PHF21B: variants seen among roughly 807,000 people sequenced by gnomAD.
PHF21B encodes the protein PHD finger protein 4.
PHF21B carries 22 observed loss-of-function variants against 62.2 expected under a neutral mutation model. That is an observed-to-expected ratio of 0.35 (90% CI 0.25 to 0.51). The LOEUF (loss-of-function observed/expected upper bound fraction) is 0.51, where lower values mean the gene tolerates loss of function less well. Among genes scored for constraint, PHF21B ranks in the 20% least tolerant of loss-of-function variants. The pLI is 0.97. For synonymous variants in PHF21B, 341 were observed against 314.7 expected (o/e 1.08, Z -0.88); for missense variants, 701 against 707.9 (o/e 0.99, Z 0.11).
rs369617754 is a variant in PHF21B at position 44,903,855 on chromosome 22, A to T, written c.832-7772T>A. ...TGTTGTTTATTTAGGTATGCCTCTGACAAACAGCACACAACTGGATTGTGT... is the reference window on the plus strand; with the variant it reads ...TGTTGTTTATTTAGGTATGCCTCTGTCAAACAGCACACAACTGGATTGTGT... On this transcript the variant is annotated intron_variant, in intron 5 of 12. Coordinates refer to ENST00000313237, the MANE Select transcript of PHF21B (RefSeq NM_138415.5). 3.5e-4 allele frequency among the ~76,000 whole-genome samples: 54 copies of T among 152,336 alleles called. 1 individual carries two copies. The East Asian group carries it at 9.8e-3, about 28-fold the overall frequency.
At chr22:44,960,282 T>A (rs2147414972) in intron 2 of PHF21B, among the ~76,000 whole-genome samples, 1 of 152,324 alleles carries the variant, frequency 6.6e-6, no homozygotes, top group South Asian at 2.1e-4. Flanking sequence ...CCTCCACAGC[T>A]ACCTGAGTTC....
At position 44,913,877 on chromosome 22, in the gene PHF21B, G is replaced by A; in HGVS notation, c.776C>T (p.Ala259Val). The change falls in exon 5 of 13, where the codon GCT (alanine) becomes GTT (valine). Residue 259 changes from alanine (A) to valine (V), a missense_variant. Ala to Val is a moderately conservative substitution (Grantham distance 64). Transcript: ENST00000313237. ...TTCCTTCTTCTTTTTGGTGGCCTGAGCTCCCTGAGATGGCTCCTCTGTGGG... is the reference window on the plus strand; with the variant it reads ...TTCCTTCTTCTTTTTGGTGGCCTGAACTCCCTGAGATGGCTCCTCTGTGGG... ...RPPTEEPSQGAQATKKKKEDR... is the reference protein window; with the variant it reads ...RPPTEEPSQGVQATKKKKEDR... The A allele has an allele frequency of 1.2e-6, 2 of 1,614,050 alleles. No individual in the cohort carries two copies. Among genetic ancestry groups the A allele is most frequent in the Non-Finnish European group, 8.5e-7 (1 of 1,180,022 alleles).
rs1196685323 is a variant in PHF21B at position 45,009,979 on chromosome 22, G to A, written c.-430C>T. On this transcript the variant is annotated 5_prime_UTR_variant, in exon 1 of 13. Coordinates refer to ENST00000313237, the MANE Select transcript of PHF21B (RefSeq NM_138415.5). This position sits in a 1 kb window ranked among gnomAD's most constrained non-coding sequence, Gnocchi z 5.9. The stretch of plus-strand genomic sequence containing the variant: ...TCTCGTTGGGCCTCGGCAAAGTTGT[G>A]CCTCGGCACGATGCTAATTCGGCAG... The A allele has an allele frequency of 3.4e-5, 5 of 146,254 alleles. No individual in the cohort carries two copies. Among genetic ancestry groups the A allele is most frequent in the Non-Finnish European group, 7.6e-5 (5 of 65,594 alleles). The allele number at this position is 146,254 out of a possible 1,614,324, so 9.1% of individuals were successfully genotyped here.
chr22:44,920,707 A>G (rs2071520213), intron 2 of PHF21B, among the ~76,000 whole-genome samples: 1 of 152,260 alleles, frequency 6.6e-6, no homozygotes, highest in Non-Finnish European at 1.5e-5. Context: ...CTGCCCAGAA[A>G]TCAATTACCC....
chr22:44,883,113 G>A lies in PHF21B; in HGVS notation c.1569C>T (p.Thr523=), dbSNP rs537376725. 7.3e-4 allele frequency: 1,171 copies of A among 1,612,078 alleles called. 12 individuals are homozygous for A. The South Asian group carries it at 0.011, about 15-fold the overall frequency. Reference sequence around the variant, plus strand: ...AGTTGTGGCCCTGGGGGTGCTGGACGGTGGGGTGTGTGGCTGCCACTGAGG... The same window carrying A: ...AGTTGTGGCCCTGGGGGTGCTGGACAGTGGGGTGTGTGGCTGCCACTGAGG... The part of the protein sequence containing the change: ...TKPSVAATHP[T]VQHPQGHN Residue 523 remains threonine, a synonymous_variant, in exon 13 of 13, where the codon ACC becomes ACT. Transcript: ENST00000313237.
chr22:44,969,714 G>A (rs1347103174), intron 2 of PHF21B, among the ~76,000 whole-genome samples: 2 of 152,168 alleles, frequency 1.3e-5, no homozygotes, highest in Non-Finnish European at 2.9e-5. Context: ...GAGGATTGCA[G>A]ATGAGGTGCG....
chr22:44,935,474 C>T (rs1041122448), intron 2 of PHF21B, among the ~76,000 whole-genome samples: 4 of 152,078 alleles, frequency 2.6e-5, no homozygotes, highest in Non-Finnish European at 4.4e-5. Context: ...ATTAGCCGGG[C>T]GTGGTGGCGG....
intron 9 of PHF21B, 69 bp from the exon 10 acceptor site, chr22:44,888,190 C>T: frequency 7.2e-7 from 1 of 1,395,890 alleles, no homozygotes; most frequent in South Asian, 1.5e-5. Flanking sequence ...TCAGCCAGGG[C>T]CAGGCCCAGG....
At chr22:45,003,050 C>T (rs2073249037) in intron 2 of PHF21B, 1 of 152,240 alleles carries the variant, frequency 6.6e-6, no homozygotes, top group African/African-American at 2.4e-5. Flanking sequence ...AGCCCTTTTC[C>T]AGAAGTTCCT....
chr22:44,883,164 TG>T lies in PHF21B; in HGVS notation c.1517del (p.Pro506HisfsTer53). 1 of 1,613,072 alleles carries T rather than the reference TG, an allele frequency of 6.2e-7. No homozygotes were observed. On this transcript the variant is annotated frameshift_variant, in exon 13 of 13. Transcript: ENST00000313237. LOFTEE classifies it high-confidence loss of function. ...QVTMTTTSPA[P>X]LLAGPWTKPS... ...GCTTGGTCCAGGGCCCGGCCAGCAG[TG>T]GGGCAGGGCTAGTGGTCGTCATGGT... is the stretch of plus-strand genomic sequence containing the variant.
chr22:44,976,448 T>G (rs1034597449), intron 2 of PHF21B, among the ~76,000 whole-genome samples: 4 of 152,222 alleles, frequency 2.6e-5, no homozygotes, highest in African/African-American at 9.6e-5. Flanking sequence ...TTGTACCCAT[T>G]GACCAATCTT....
chr22:44,935,181 AG>A (rs1356552992), intron 2 of PHF21B, among the ~76,000 whole-genome samples: 1 of 152,146 alleles, frequency 6.6e-6, no homozygotes, highest in African/African-American at 2.4e-5. Context: ...CATAGCCCAA[AG>A]ATCTGAGAGC....
chr22:44,895,962 C>G, intron 6 of PHF21B, 70 bp downstream of exon 6: 1 of 1,558,968 alleles, frequency 6.4e-7, no homozygotes, highest in South Asian at 1.1e-5. Flanking sequence ...CATCATCACA[C>G]CTGGCCCCCA....
chr22:44,964,368 GC>G (rs924358786), intron 2 of PHF21B, among the ~76,000 whole-genome samples: 5 of 152,040 alleles, frequency 3.3e-5, no homozygotes, highest in African/African-American at 1.2e-4. Context: ...GTGCACCCCG[GC>G]CCCCCTGCAC....
At chr22:44,977,142 C>G (rs751550094) in intron 2 of PHF21B, among the ~76,000 whole-genome samples, 2 of 151,986 alleles carry the variant, frequency 1.3e-5, no homozygotes, top group Non-Finnish European at 2.9e-5. Flanking sequence ...AAGAAAAAAA[C>G]GAAGAAAGGA....
intron 2 of PHF21B, among the ~76,000 whole-genome samples, chr22:44,963,674 C>A (rs541450215): frequency 1.3e-5 from 2 of 152,182 alleles, no homozygotes. Flanking sequence ...CCTGGCTGTA[C>A]GCTCCCAGGG....
At chr22:44,960,256 C>G (rs1347850292) in intron 2 of PHF21B, among the ~76,000 whole-genome samples, 1 of 152,250 alleles carries the variant, frequency 6.6e-6, no homozygotes, top group Non-Finnish European at 1.5e-5. Context: ...CTTGGCTCTG[C>G]AGAGACGCCC....
In PHF21B at chr22:44,920,445, T is replaced by C. The variant is rs1467239341; in HGVS notation, c.166A>G (p.Ser56Gly). 4 of 1,613,198 alleles carry C rather than the reference T, an allele frequency of 2.5e-6. No individual in the cohort carries two copies. Among genetic ancestry groups the C allele is most frequent in the Non-Finnish European group, 2.5e-6 (3 of 1,179,666 alleles). ...TAVPVTGPQV[S>G]SLQRLAGQGA... ...TGCCCGGCCAACCTCTGCAAGGAGC[T>C]GACCTGAGGACCCGTGACAGGCACT... Residue 56 changes from serine (S) to glycine (G), a missense_variant, in exon 3 of 13, where the codon AGC becomes GGC. By Grantham distance (56) the Ser-to-Gly change is moderately conservative (BLOSUM62 0). Transcript: ENST00000313237.
intron 1 of PHF21B, 109 bp from the exon 2 acceptor site, chr22:45,008,719 C>G (rs2073372385): frequency 8.5e-7 from 1 of 1,172,322 alleles, no homozygotes; most frequent in Admixed American, 4.6e-5. Context: ...CGGGGCCGGC[C>G]GCAGCGCACC....
Sources: allele counts gnomAD v4.1 joint callset (sites outside exome capture counted in the v4.1 genomes callset), GRCh38; gene constraint gnomAD v4.1.1; non-coding constraint Gnocchi (gnomAD v3.1); transcripts MANE v1.5; gene names NCBI Gene and HGNC (gene_info 2026-07-23, HGNC 2026-07-21).